ERC2: variants seen among roughly 807,000 people sequenced by gnomAD.
ERC2 encodes the protein ERC protein 2.
In ERC2, 42 loss-of-function variants were observed where a neutral mutation model predicts 114.8. The observed-to-expected ratio is 0.37, with a 90% CI of 0.29 to 0.47. The LOEUF (loss-of-function observed/expected upper bound fraction) is 0.47, where lower values mean the gene tolerates loss of function less well. Among genes scored for constraint, ERC2 ranks in the 20% least tolerant of loss-of-function variants. The pLI, the probability that ERC2 is intolerant of heterozygous loss-of-function variation, is 0.99. For synonymous variants in ERC2, 454 were observed against 425.5 expected (o/e 1.07, Z -0.82); for missense variants, 939 against 1,150.7 (o/e 0.82, Z 2.66).
chr3:55,730,478 C>A (rs1488452749), intron 15 of ERC2, among the ~76,000 whole-genome samples: 7 of 152,210 alleles, frequency 4.6e-5, no homozygotes, highest in African/African-American at 7.2e-5. Flanking sequence ...TTCATTCATA[C>A]AACAAATATT....
chr3:55,755,487 G>A (rs913251022), intron 14 of ERC2, among the ~76,000 whole-genome samples: 3 of 152,120 alleles, frequency 2.0e-5, no homozygotes, highest in African/African-American at 4.8e-5. Context: ...TTCTGTAAAC[G>A]CTAAGCTCAA....
chr3:56,442,708 A>G (rs2062376183), intron 1 of ERC2, among the ~76,000 whole-genome samples: 2 of 152,244 alleles, frequency 1.3e-5, no homozygotes, highest in African/African-American at 4.8e-5. Context: ...TATACAATAT[A>G]GCTTTTCCAA....
chr3:55,583,781 G>A (rs1258284596), intron 17 of ERC2, among the ~76,000 whole-genome samples: 1 of 151,698 alleles, frequency 6.6e-6, no homozygotes, highest in Non-Finnish European at 1.5e-5. Flanking sequence ...CTCTTCCCAA[G>A]TATCCGAGAG....
intron 17 of ERC2, among the ~76,000 whole-genome samples, chr3:55,589,385 C>G (rs1208034111): frequency 6.6e-6 from 1 of 152,040 alleles, no homozygotes; most frequent in African/African-American, 2.4e-5. Flanking sequence ...AAAAAGGCAC[C>G]CTTCTTCAAG....
intron 7 of ERC2, among the ~76,000 whole-genome samples, chr3:56,045,046 C>T (rs949288610): frequency 1.3e-5 from 2 of 152,058 alleles, no homozygotes; most frequent in African/African-American, 2.4e-5. Flanking sequence ...GGATATAGAA[C>T]GTATTTTATG....
chr3:56,031,420 C>T (rs1048360198), intron 7 of ERC2, among the ~76,000 whole-genome samples: 3 of 152,224 alleles, frequency 2.0e-5, no homozygotes, highest in African/African-American at 7.2e-5. Context: ...GCCAGCCAGC[C>T]CAAGGACTCT....
chr3:55,639,622 ATCTACG>A lies in ERC2; in HGVS notation c.*39+44166_*39+44171del, dbSNP rs548067913. On this transcript the variant is annotated intron_variant, in intron 17 of 17. Transcript: ENST00000288221. Reference sequence around the variant, plus strand: ...TTGGCCTGAAAGCTCTGTTGCTTAAATCTACGTCAGTCAGGAAAGATTTCCTGTGTA... The same window carrying A: ...TTGGCCTGAAAGCTCTGTTGCTTAAATCAGTCAGGAAAGATTTCCTGTGTA... Among the ~76,000 whole-genome samples the A allele has an allele frequency of 2.1e-3, 316 of 152,308 alleles. 1 individual carries two copies. Among genetic ancestry groups the A allele is most frequent in the Middle Eastern group, 3.4e-3 (1 of 294 alleles).
At chr3:55,749,417 C>T (rs574935133) in intron 14 of ERC2, among the ~76,000 whole-genome samples, 36 of 152,270 alleles carry the variant, frequency 2.4e-4, no homozygotes, top group Admixed American at 6.5e-4. Flanking sequence ...CTGGAGAACC[C>T]TTAAGGTGAG....
chr3:56,400,129 A>T (rs1207190336), intron 2 of ERC2, among the ~76,000 whole-genome samples: 1 of 152,124 alleles, frequency 6.6e-6, no homozygotes, highest in Non-Finnish European at 1.5e-5. Flanking sequence ...ATGTGATAAC[A>T]GTATTATATT....
At chr3:55,580,061 G>C (rs145314462) in intron 17 of ERC2, among the ~76,000 whole-genome samples, 1 of 152,294 alleles carries the variant, frequency 6.6e-6, no homozygotes, top group African/African-American at 2.4e-5. Context: ...TGATAGTTTG[G>C]GATGATTGTA....
At chr3:56,054,944 CG>C (rs1293572914) in intron 7 of ERC2, among the ~76,000 whole-genome samples, 1 of 152,188 alleles carries the variant, frequency 6.6e-6, no homozygotes, top group African/African-American at 2.4e-5. Flanking sequence ...GGCCAAATGT[CG>C]GTCTTCAGAG....
chr3:55,908,201 CATATCTGAATTTTCCTGAAAA>C (rs1426553140), intron 13 of ERC2, among the ~76,000 whole-genome samples: 3 of 152,116 alleles, frequency 2.0e-5, no homozygotes, highest in African/African-American at 7.2e-5. Flanking sequence ...AAGAAGCAAA[CATATCTGAATTTTCCTGAAAA>C]AAATCTTATT....
intron 2 of ERC2, among the ~76,000 whole-genome samples, chr3:56,391,563 CG>C (rs1295698531): frequency 6.6e-6 from 1 of 152,110 alleles, no homozygotes; most frequent in Admixed American, 6.5e-5. Flanking sequence ...GTCATGTCTA[CG>C]TTTAAGATGA....
At chr3:56,156,033 C>T (rs1454568346) in intron 4 of ERC2, among the ~76,000 whole-genome samples, 1 of 152,032 alleles carries the variant, frequency 6.6e-6, no homozygotes, top group African/African-American at 2.4e-5. Context: ...AAGAAGGCAA[C>T]AAGATAGTCT....
At chr3:55,997,573 A>G (rs570238913) in intron 10 of ERC2, among the ~76,000 whole-genome samples, 1 of 148,968 alleles carries the variant, frequency 6.7e-6, no homozygotes, top group African/African-American at 2.4e-5. Context: ...ATATAACTCT[A>G]TTATAGACTG....
chr3:55,869,635 C>G (rs2062482820), intron 14 of ERC2, among the ~76,000 whole-genome samples: 1 of 152,138 alleles, frequency 6.6e-6, no homozygotes, highest in African/African-American at 2.4e-5. Context: ...CTGGAAAGCC[C>G]CATGATACCC....
At chr3:55,836,627 G>A (rs548406504) in intron 14 of ERC2, among the ~76,000 whole-genome samples, 7 of 152,098 alleles carry the variant, frequency 4.6e-5, no homozygotes, top group African/African-American at 7.2e-5. Flanking sequence ...AGACTTAAAC[G>A]TTAGACCTAA....
intron 6 of ERC2, among the ~76,000 whole-genome samples, chr3:56,114,154 T>C (rs1432903995): frequency 5.9e-5 from 9 of 152,204 alleles, no homozygotes; most frequent in Non-Finnish European, 4.4e-5. Flanking sequence ...GAGGCTTGCA[T>C]GCACAGTAAG....
intron 3 of ERC2, among the ~76,000 whole-genome samples, chr3:56,233,093 G>T (rs748396288): frequency 5.3e-5 from 8 of 152,138 alleles, no homozygotes; most frequent in African/African-American, 1.4e-4. Flanking sequence ...GCTCTCTGAG[G>T]GTATGGACTT....
Sources: gnomAD v4.1 joint callset for allele counts (sites outside exome capture counted in the v4.1 genomes callset) on GRCh38, gnomAD v4.1.1 for gene constraint, MANE v1.5 for transcripts, NCBI Gene and HGNC (gene_info 2026-07-23, HGNC 2026-07-21) for gene names.